Variants in GOLPH3 observed in about 807,000 individuals in gnomAD.
The protein encoded by GOLPH3 is coat protein GPP34.
Under a neutral mutation model 28.5 loss-of-function variants are expected in GOLPH3, and 14 were observed. The observed-to-expected ratio is 0.49, with a 90% CI of 0.32 to 0.77. GOLPH3 has a LOEUF of 0.77. Ranked by LOEUF, GOLPH3 falls within the 30% of genes least tolerant of loss-of-function variation. The pLI is 0.03. For missense variants in GOLPH3, 350 were observed against 393.7 expected (o/e 0.89, Z 0.94); for synonymous variants, 158 against 159.2 (o/e 0.99, Z 0.06).
intron 3 of GOLPH3, among the ~76,000 whole-genome samples, chr5:32,134,333 G>A (rs1222936826): frequency 6.6e-6 from 1 of 151,984 alleles, no homozygotes; most frequent in African/African-American, 2.4e-5. Flanking sequence ...AGCTTTCCAA[G>A]TAGCTGGGAC....
chr5:32,126,448 C>T lies in GOLPH3; in HGVS notation c.661G>A (p.Val221Ile), dbSNP rs751095447. 9 of 1,614,156 alleles carry T rather than the reference C, an allele frequency of 5.6e-6. No homozygotes were observed. The highest frequency in any genetic ancestry group is 2.2e-5 in the South Asian group (2 of 91,076). ...QRLIKKVQEA[V>I]LDKWVNDPHR... The stretch of plus-strand genomic sequence containing the variant: ...GGGTCATTCACCCATTTGTCAAGAA[C>T]GGCTTCCTGTACTTTCTTGATGAGG... Residue 221 changes from valine to isoleucine, a missense_variant, in exon 4 of 4, where the codon GTT (valine) becomes ATT (isoleucine). Transcript: ENST00000265070.
chr5:32,156,685 A>G (rs1379705354), intron 1 of GOLPH3, among the ~76,000 whole-genome samples: 5 of 152,250 alleles, frequency 3.3e-5, no homozygotes, highest in African/African-American at 7.2e-5. Context: ...TAAAATTCTC[A>G]TAAGGATCGC....
intron 1 of GOLPH3, among the ~76,000 whole-genome samples, chr5:32,150,320 C>G (rs1561672214): frequency 6.6e-6 from 1 of 151,162 alleles, no homozygotes; most frequent in Non-Finnish European, 1.5e-5. Context: ...AAAGTCTCAG[C>G]ATTATTATTA....
chr5:32,159,774 CA>C (rs1014089621), intron 1 of GOLPH3, among the ~76,000 whole-genome samples: 2 of 152,166 alleles, frequency 1.3e-5, no homozygotes, highest in African/African-American at 4.8e-5. Context: ...AAAATATCAT[CA>C]CCTTTTTACA....
intron 1 of GOLPH3, among the ~76,000 whole-genome samples, chr5:32,150,160 T>C (rs917106038): frequency 2.0e-5 from 3 of 151,784 alleles, no homozygotes; most frequent in African/African-American, 7.3e-5. Flanking sequence ...GTTAAAATAC[T>C]AAAAAGTTAA....
At chr5:32,148,658 G>A (rs1173416828) in intron 1 of GOLPH3, among the ~76,000 whole-genome samples, 1 of 152,122 alleles carries the variant, frequency 6.6e-6, no homozygotes, top group Non-Finnish European at 1.5e-5. Context: ...TTAGCTGGGC[G>A]TGGTGGTGGG....
intron 1 of GOLPH3, among the ~76,000 whole-genome samples, chr5:32,171,979 T>A (rs977534243): frequency 1.2e-4 from 19 of 152,090 alleles, no homozygotes; most frequent in African/African-American, 4.3e-4. Context: ...CAAATGTTTA[T>A]AATCAAGATT....
intron 1 of GOLPH3, among the ~76,000 whole-genome samples, chr5:32,169,913 A>G (rs1470700878): frequency 1.3e-5 from 2 of 152,068 alleles, no homozygotes; most frequent in Non-Finnish European, 2.9e-5. Context: ...ATAAAAGCAA[A>G]AAACAAATAT....
chr5:32,173,796 C>T lies in GOLPH3; in HGVS notation c.225+14G>A. On this transcript the variant is annotated intron_variant, in intron 1 of 3. Transcript: ENST00000265070. ...CCGCGCCGCCGCCCCCCGCCCAGCCCGCCGCGCCCGCACCTCGCGGTCCTT... is the reference window on the plus strand; with the variant it reads ...CCGCGCCGCCGCCCCCCGCCCAGCCTGCCGCGCCCGCACCTCGCGGTCCTT... 3 of 1,377,346 alleles carry T rather than the reference C, an allele frequency of 2.2e-6. No individual in the cohort carries two copies. The highest frequency in any genetic ancestry group is 1.9e-6 in the Non-Finnish European group (2 of 1,069,898). The allele number at this position is 1,377,346 out of a possible 1,614,324, so 85.3% of individuals were successfully genotyped here. A position where few individuals can be genotyped will look rare whatever the true frequency, so the allele number is the denominator to read the frequency against.
intron 1 of GOLPH3, among the ~76,000 whole-genome samples, chr5:32,144,556 T>A (rs928348728): frequency 2.6e-5 from 4 of 152,248 alleles, no homozygotes; most frequent in African/African-American, 9.6e-5. Context: ...ACCAACACAC[T>A]GCAGCCTGGG....
At chr5:32,129,987 A>G (rs913355872) in intron 3 of GOLPH3, among the ~76,000 whole-genome samples, 3 of 152,002 alleles carry the variant, frequency 2.0e-5, no homozygotes, top group Non-Finnish European at 4.4e-5. Context: ...GACTACAGGC[A>G]CCTGCCACCA....
chr5:32,130,992 CACCTT>C (rs1745814091), intron 3 of GOLPH3, among the ~76,000 whole-genome samples: 1 of 152,120 alleles, frequency 6.6e-6, no homozygotes, highest in Admixed American at 6.5e-5. Flanking sequence ...AAACACAGAC[CACCTT>C]CAAATAAAGT....
intron 1 of GOLPH3, among the ~76,000 whole-genome samples, chr5:32,171,264 A>G (rs1489032061): frequency 2.0e-5 from 3 of 152,112 alleles, no homozygotes; most frequent in Non-Finnish European, 4.4e-5. Flanking sequence ...TAACACTAGC[A>G]ATAGCTGATG....
chr5:32,171,270 T>C (rs1233457517), intron 1 of GOLPH3, among the ~76,000 whole-genome samples: 1 of 151,920 alleles, frequency 6.6e-6, no homozygotes, highest in East Asian at 1.9e-4. Flanking sequence ...TAGCAATAGC[T>C]GATGAGCTTT....
chr5:32,158,332 CTTT>C (rs1212606317), intron 1 of GOLPH3, among the ~76,000 whole-genome samples: 2 of 152,138 alleles, frequency 1.3e-5, no homozygotes, highest in Non-Finnish European at 2.9e-5. Context: ...CATACCCACT[CTTT>C]TGTCTCGTTA....
At chr5:32,158,677 C>G (rs1383022040) in intron 1 of GOLPH3, among the ~76,000 whole-genome samples, 1 of 152,160 alleles carries the variant, frequency 6.6e-6, no homozygotes, top group Non-Finnish European at 1.5e-5. Flanking sequence ...CCTATTCCTC[C>G]AACGGAGTGC....
At chr5:32,158,799 C>A (rs1746511162) in intron 1 of GOLPH3, among the ~76,000 whole-genome samples, 1 of 152,206 alleles carries the variant, frequency 6.6e-6, no homozygotes, top group Non-Finnish European at 1.5e-5. Flanking sequence ...CCGCTTCCAT[C>A]CCTCACACAT....
intron 1 of GOLPH3, among the ~76,000 whole-genome samples, chr5:32,155,956 CAAAAAAAAAAAAAA>C (rs70961608): frequency 7.5e-4 from 36 of 47,816 alleles, no homozygotes; most frequent in East Asian, 4.2e-3. Context: ...AACACTGTCT[CAAAAAAAAAAAAAA>C]AAAAAAAAAA....
intron 2 of GOLPH3, among the ~76,000 whole-genome samples, chr5:32,142,532 C>T (rs1746094402): frequency 2.0e-5 from 3 of 147,164 alleles, no homozygotes; most frequent in Admixed American, 6.7e-5. Context: ...GGCGCCTCTG[C>T]CCGGCCGCCC....
Sources: gnomAD v4.1 joint callset for allele counts (sites outside exome capture counted in the v4.1 genomes callset) on GRCh38, gnomAD v4.1.1 for gene constraint, MANE v1.5 for transcripts, NCBI Gene and HGNC (gene_info 2026-07-23, HGNC 2026-07-21) for gene names.